The following VSTM2B variants were observed in gnomAD, a reference collection of about 807,000 sequenced individuals.
VSTM2B encodes the protein V-set and transmembrane domain containing 2B, also known as V-set and transmembrane domain-containing protein 2B.
In VSTM2B, 24 loss-of-function variants were observed where a neutral mutation model predicts 24.0. The ratio of observed to expected loss-of-function variants is 1.00; its 90% CI spans 0.72 to 1.40. The LOEUF is 1.40. Among genes scored for constraint, VSTM2B ranks in the 40% most tolerant of loss-of-function variants. The probability of loss-of-function intolerance (pLI) is 0.00; values close to 1 mark genes in which losing one functional copy is unlikely to be tolerated. For missense variants in VSTM2B, 399 were observed against 416.4 expected (o/e 0.96, Z 0.36); for synonymous variants, 226 against 194.4 (o/e 1.16, Z -1.35).
At chr19:29,534,375 G>A (rs1969835735) in intron 4 of VSTM2B, among the ~76,000 whole-genome samples, 1 of 152,226 alleles carries the variant, frequency 6.6e-6, no homozygotes, top group South Asian at 2.1e-4. Flanking sequence ...GCCCTCAGGG[G>A]CTCACAGCAG....
chr19:29,533,560 C>A (rs1277479796), intron 4 of VSTM2B, among the ~76,000 whole-genome samples: 1 of 152,230 alleles, frequency 6.6e-6, no homozygotes, highest in African/African-American at 2.4e-5. Flanking sequence ...AGTGGTTCTG[C>A]TCCAGGCACT....
intron 4 of VSTM2B, among the ~76,000 whole-genome samples, chr19:29,547,404 A>G (rs1007633175): frequency 6.6e-6 from 1 of 152,360 alleles, no homozygotes. Flanking sequence ...TACTTGCTGC[A>G]GTACCTGGCC....
intron 4 of VSTM2B, among the ~76,000 whole-genome samples, chr19:29,545,750 G>T (rs1346367546): frequency 6.6e-6 from 1 of 152,168 alleles, no homozygotes; most frequent in Non-Finnish European, 1.5e-5. Flanking sequence ...ATCTGGGTTG[G>T]TTCCATGTGT....
At chr19:29,558,902 C>A (rs1468519212) in intron 4 of VSTM2B, among the ~76,000 whole-genome samples, 1 of 152,128 alleles carries the variant, frequency 6.6e-6, no homozygotes, top group Non-Finnish European at 1.5e-5. Flanking sequence ...AAAAATAAAA[C>A]CACAATGAGA....
chr19:29,528,884 TC>T, intron 3 of VSTM2B: 3 of 983,064 alleles, frequency 3.1e-6, no homozygotes, highest in Non-Finnish European at 3.6e-6. Context: ...CTCTGCGCCC[TC>T]CGCTGCAACC....
chr19:29,545,445 T>C (rs1370261879), intron 4 of VSTM2B, among the ~76,000 whole-genome samples: 1 of 152,096 alleles, frequency 6.6e-6, no homozygotes, highest in Non-Finnish European at 1.5e-5. Context: ...AAACCCCATC[T>C]CTACTAAAAA....
At chr19:29,552,380 G>T (rs1026024277) in intron 4 of VSTM2B, among the ~76,000 whole-genome samples, 1 of 152,236 alleles carries the variant, frequency 6.6e-6, no homozygotes, top group Non-Finnish European at 1.5e-5. Flanking sequence ...GGGTAACCAG[G>T]TTCTCTCACT....
intron 4 of VSTM2B, among the ~76,000 whole-genome samples, chr19:29,533,284 T>A (rs919797064): frequency 4.6e-5 from 7 of 152,168 alleles, no homozygotes. Flanking sequence ...GGGGCTGATG[T>A]CCACTGCCAT....
intron 3 of VSTM2B, chr19:29,528,881 C>T (rs1969652879): frequency 2.0e-6 from 2 of 980,972 alleles, no homozygotes; most frequent in South Asian, 9.4e-5. Flanking sequence ...CTGCTCTGCG[C>T]CCTCCGCTGC....
intron 4 of VSTM2B, among the ~76,000 whole-genome samples, chr19:29,545,991 CCG>C (rs1970146614): frequency 6.6e-6 from 1 of 152,134 alleles, no homozygotes; most frequent in South Asian, 2.1e-4. Flanking sequence ...GCTGCTGCCC[CCG>C]CCCAGGTGAG....
At chr19:29,544,776 G>A (rs1316990027) in intron 4 of VSTM2B, among the ~76,000 whole-genome samples, 1 of 152,150 alleles carries the variant, frequency 6.6e-6, no homozygotes, top group Non-Finnish European at 1.5e-5. Context: ...TGTATCTGAA[G>A]GTTAAAAATG....
chr19:29,536,291 C>G (rs1175486742), intron 4 of VSTM2B, among the ~76,000 whole-genome samples: 1 of 152,216 alleles, frequency 6.6e-6, no homozygotes, highest in East Asian at 1.9e-4. Context: ...CTGAGGCAAT[C>G]AGGAGAGGCT....
Position 29,529,894 on chromosome 19 carries a change from T to C in VSTM2B, c.373T>C (p.Tyr125His). 6.5e-7 allele frequency: 1 copy of C among 1,550,366 alleles called. No homozygotes were observed. Among genetic ancestry groups the C allele is most frequent in the Non-Finnish European group, 8.7e-7 (1 of 1,146,880 alleles). Residue 125 changes from tyrosine (Y) to histidine (H), a missense_variant, in exon 4 of 5, where the codon TAC becomes CAC. Physicochemically the swap from Tyr to His is moderately conservative, Grantham distance 83. Coordinates refer to ENST00000335523, the MANE Select transcript of VSTM2B (RefSeq NM_001146339.2). The part of the protein sequence containing the change: ...SAVRLQDEGV[Y>H]ECRVSDYSDD... ...CGTGCGGCTGCAGGACGAGGGCGTG[T>C]ACGAGTGCCGCGTGTCGGACTACAG...
rs575751621 is a variant in VSTM2B at position 29,549,012 on chromosome 19, G to A, written c.770-14834G>A. ...AGGATTTCTGCTGGGAAGAGCAGCC[G>A]GCCCCCACCCACCCCAGTGTTCTGT... On this transcript the variant is annotated intron_variant, in intron 4 of 4. Coordinates refer to ENST00000335523, the MANE Select transcript of VSTM2B (RefSeq NM_001146339.2). Among the ~76,000 whole-genome samples the A allele has an allele frequency of 2.6e-5, 4 of 152,334 alleles. No individual in the cohort carries two copies. In the South Asian group the frequency reaches 8.3e-4, roughly 32 times the overall value.
chr19:29,539,054 C>G (rs1969964218), intron 4 of VSTM2B, among the ~76,000 whole-genome samples: 3 of 152,054 alleles, frequency 2.0e-5, no homozygotes, highest in Non-Finnish European at 4.4e-5. Flanking sequence ...TGCACCATTT[C>G]AAGGGGGGAA....
intron 4 of VSTM2B, 97 bp downstream of exon 4, chr19:29,530,387 C>G: frequency 8.6e-7 from 1 of 1,166,670 alleles, no homozygotes; most frequent in Non-Finnish European, 1.1e-6. Flanking sequence ...GGACCCGCCC[C>G]CTGGGCGCAT....
intron 4 of VSTM2B, among the ~76,000 whole-genome samples, chr19:29,551,710 A>G (rs148283215): frequency 4.6e-5 from 7 of 152,338 alleles, no homozygotes; most frequent in African/African-American, 1.7e-4. Context: ...CCTCTCAAGC[A>G]GCCTGATTTT....
chr19:29,564,232 G>A lies in VSTM2B; in HGVS notation c.*298G>A, dbSNP rs1050006118. ...TTCCCTCCAAGTCTTCATTTTGCACGAACTGTTGAGCAGTTATCTTTAGGA... is the reference window on the plus strand; with the variant it reads ...TTCCCTCCAAGTCTTCATTTTGCACAAACTGTTGAGCAGTTATCTTTAGGA... On this transcript the variant is annotated 3_prime_UTR_variant, in exon 5 of 5. Coordinates refer to ENST00000335523, the MANE Select transcript of VSTM2B (RefSeq NM_001146339.2). The A allele has an allele frequency of 2.8e-5, 8 of 288,424 alleles. No homozygotes were observed. Among genetic ancestry groups the A allele is most frequent in the Admixed American group, 4.8e-5 (1 of 20,892 alleles). The allele number at this position is 288,424 out of a possible 1,614,324, so 17.9% of individuals were successfully genotyped here. A position where few individuals can be genotyped will look rare whatever the true frequency, so the allele number is the denominator to read the frequency against.
At chr19:29,535,634 G>A (rs1327227031) in intron 4 of VSTM2B, among the ~76,000 whole-genome samples, 2 of 152,228 alleles carry the variant, frequency 1.3e-5, no homozygotes, top group Non-Finnish European at 1.5e-5. Context: ...CGCGGATGTC[G>A]CCATGGCAAC....
Sources: allele counts gnomAD v4.1 joint callset (sites outside exome capture counted in the v4.1 genomes callset), GRCh38; gene constraint gnomAD v4.1.1; transcripts MANE v1.5; gene names NCBI Gene and HGNC (gene_info 2026-07-23, HGNC 2026-07-21).